Variants in SMG6 observed in about 807,000 individuals in gnomAD.
SMG6 encodes telomerase-binding protein EST1A.
In SMG6, 66 loss-of-function variants were observed where a neutral mutation model predicts 142.2. The ratio of observed to expected loss-of-function variants is 0.46; its 90% CI spans 0.38 to 0.57. The LOEUF is 0.57. Ranked by LOEUF, SMG6 falls within the 20% of genes least tolerant of loss-of-function variation. SMG6 has a pLI of 0.00. For synonymous variants in SMG6, 779 were observed against 702.4 expected (o/e 1.11, Z -1.72); for missense variants, 1,793 against 1,832.0 (o/e 0.98, Z 0.39).
At chr17:2,073,662 T>A (rs1327526833) in intron 15 of SMG6, among the ~76,000 whole-genome samples, 1 of 116,642 alleles carries the variant, frequency 8.6e-6, no homozygotes, top group Non-Finnish European at 1.7e-5. Flanking sequence ...TGAGCCGAGA[T>A]GGTGCCACTG....
chr17:2,204,192 G>A (rs2072613306), intron 10 of SMG6, among the ~76,000 whole-genome samples: 1 of 152,142 alleles, frequency 6.6e-6, no homozygotes, highest in Admixed American at 6.6e-5. Context: ...TTCCGAGATA[G>A]GTGAGACAGA....
intron 8 of SMG6, among the ~76,000 whole-genome samples, chr17:2,254,357 C>T (rs2074116590): frequency 6.6e-6 from 1 of 152,188 alleles, no homozygotes; most frequent in African/African-American, 2.4e-5. Context: ...GTTGTTGAGA[C>T]AGAGTCTTGC....
intron 10 of SMG6, among the ~76,000 whole-genome samples, chr17:2,219,803 C>CAAAAAAAAAAAAAAAA (rs72234069): frequency 8.5e-6 from 1 of 118,100 alleles, no homozygotes; most frequent in Admixed American, 8.8e-5. Context: ...GACCCTTTAT[C>CAAAAAAAAAAAAAAAA]AAAAAAAAAA....
intron 10 of SMG6, among the ~76,000 whole-genome samples, chr17:2,226,608 AAC>A (rs2073327739): frequency 6.6e-6 from 1 of 151,440 alleles, no homozygotes; most frequent in Non-Finnish European, 1.5e-5. Flanking sequence ...ACAAAAAAAA[AAC>A]AAACAAGTGG....
chr17:2,209,448 C>T (rs1247306339), intron 10 of SMG6, among the ~76,000 whole-genome samples: 2 of 152,134 alleles, frequency 1.3e-5, no homozygotes, highest in Non-Finnish European at 2.9e-5. Flanking sequence ...CTGCAACCTC[C>T]ACCTCCCAGG....
chr17:2,238,266 C>T (rs924858069), intron 9 of SMG6, among the ~76,000 whole-genome samples: 4 of 152,194 alleles, frequency 2.6e-5, no homozygotes, highest in Non-Finnish European at 5.9e-5. Context: ...CTGAGCTGTC[C>T]TCATTTTCAT....
chr17:2,190,680 G>A (rs1480978551), intron 10 of SMG6, among the ~76,000 whole-genome samples: 5 of 152,174 alleles, frequency 3.3e-5, no homozygotes, highest in Admixed American at 2.6e-4. Context: ...AGCAACAGCT[G>A]GAGTCTCTTT....
At chr17:2,137,489 G>A (rs1447530195) in intron 13 of SMG6, among the ~76,000 whole-genome samples, 4 of 151,864 alleles carry the variant, frequency 2.6e-5, no homozygotes, top group Non-Finnish European at 5.9e-5. Flanking sequence ...CTGCAGATTC[G>A]CTTACAGGCA....
At chr17:2,302,762 G>A (rs1162921608) in intron 1 of SMG6, among the ~76,000 whole-genome samples, 1 of 151,408 alleles carries the variant, frequency 6.6e-6, no homozygotes, top group East Asian at 1.9e-4. Context: ...CAAAGATAAA[G>A]CAGTTTAACC....
intron 13 of SMG6, among the ~76,000 whole-genome samples, chr17:2,094,178 C>T (rs918566618): frequency 1.4e-4 from 21 of 152,158 alleles, no homozygotes; most frequent in African/African-American, 5.1e-4. Context: ...CAGTGGGGTA[C>T]GGGCGGTGGC....
In SMG6 at chr17:2,061,423, G is replaced by T; in HGVS notation, c.*69C>A. 6.7e-7 allele frequency: 1 copy of T among 1,483,006 alleles called. No individual in the cohort carries two copies. Among genetic ancestry groups the T allele is most frequent in the Non-Finnish European group, 9.1e-7 (1 of 1,103,144 alleles). The allele number at this position is 1,483,006 out of a possible 1,614,324, so 91.9% of individuals were successfully genotyped here. ...TGGCTCAGGCACGTGGGCATCTTCC[G>T]TGCTACACTGGGCGCCTGGTGGCCT... On this transcript the variant is annotated 3_prime_UTR_variant, in exon 19 of 19. Transcript: ENST00000263073.
At chr17:2,124,004 C>T (rs1331296431) in intron 13 of SMG6, among the ~76,000 whole-genome samples, 1 of 152,180 alleles carries the variant, frequency 6.6e-6, no homozygotes, top group East Asian at 1.9e-4. Context: ...CACTGAAGGC[C>T]AGACATTACC....
At chr17:2,282,886 C>T in intron 7 of SMG6, 27 bp from the exon 8 acceptor site, 5 of 1,610,462 alleles carry the variant, frequency 3.1e-6, no homozygotes, top group Non-Finnish European at 3.4e-6. Flanking sequence ...CACATTAGCT[C>T]ATGGCCTGGT....
At chr17:2,297,201 G>A (rs978597743) in intron 4 of SMG6, 42 bp downstream of exon 4, 13 of 1,433,504 alleles carry the variant, frequency 9.1e-6, no homozygotes, top group Admixed American at 2.0e-5. Context: ...AAACGCTTAC[G>A]AAATGAATGA....
At chr17:2,074,968 G>T (rs8082320) in intron 15 of SMG6, among the ~76,000 whole-genome samples, 4 of 152,216 alleles carry the variant, frequency 2.6e-5, no homozygotes, top group African/African-American at 9.6e-5. Context: ...GATGGTGCTG[G>T]AGCAAAAGCT....
At chr17:2,069,034 C>A in intron 15 of SMG6, 103 bp from the exon 16 acceptor site, 1 of 1,144,288 alleles carries the variant, frequency 8.7e-7, no homozygotes. Context: ...CCCCTAGGAA[C>A]CTCTTCCCCT....
Position 2,102,528 on chromosome 17 carries a change from A to ATTT in SMG6, c.3358-16630_3358-16628dup, listed in dbSNP as rs374584197. 1.1e-3 allele frequency among the ~76,000 whole-genome samples: 86 copies of ATTT among 81,608 alleles called. 8 individuals are homozygous for ATTT. The highest frequency in any genetic ancestry group is 3.5e-3 in the African/African-American group (70 of 20,262). 53.5% of individuals were successfully genotyped at this position (81,608 alleles called of 152,430 possible). On this transcript the variant is annotated intron_variant, in intron 13 of 18. Coordinates refer to ENST00000263073, the MANE Select transcript of SMG6 (RefSeq NM_017575.5). ...TGGACCACCACATCCTGCTAATTTC[A>ATTT]TTTTTTTTTTTTTTTTTTTTTTTTT...
chr17:2,097,068 ACTT>A (rs375550111), intron 13 of SMG6, among the ~76,000 whole-genome samples: 3 of 152,320 alleles, frequency 2.0e-5, no homozygotes, highest in African/African-American at 7.2e-5. Context: ...TTTCTTGACT[ACTT>A]CTGGTGGAGA....
At chr17:2,140,131 C>T (rs1296180325) in intron 13 of SMG6, among the ~76,000 whole-genome samples, 5 of 151,866 alleles carry the variant, frequency 3.3e-5, no homozygotes, top group South Asian at 2.1e-4. Context: ...AGTGAGACCT[C>T]GGCTCACTGC....
Sources: gnomAD v4.1 joint callset for allele counts (sites outside exome capture counted in the v4.1 genomes callset) on GRCh38, gnomAD v4.1.1 for gene constraint, MANE v1.5 for transcripts, NCBI Gene and HGNC (gene_info 2026-07-23, HGNC 2026-07-21) for gene names.